ANKRD11: variants seen among roughly 807,000 people sequenced by gnomAD.
The protein encoded by ANKRD11 is ankyrin repeat domain-containing protein 11.
A neutral mutation model predicts 195.7 loss-of-function variants in ANKRD11; 17 were observed. The ratio of observed to expected loss-of-function variants is 0.09; its 90% CI spans 0.06 to 0.13. ANKRD11 has a LOEUF of 0.13. Among genes scored for constraint, ANKRD11 ranks in the 10% least tolerant of loss-of-function variants. The probability of loss-of-function intolerance (pLI) is 1.00; values close to 1 mark genes in which losing one functional copy is unlikely to be tolerated. For missense variants in ANKRD11, 3,735 were observed against 3,566.1 expected, an observed-to-expected ratio of 1.05 and a Z score of -1.21; for synonymous variants, 1,953 against 1,528.1, an observed-to-expected ratio of 1.28 and a Z score of -6.49.
rs1368150919 is a variant in ANKRD11, at chr16:89,284,809, T to A, written c.1733A>T (p.Asp578Val). The change falls in exon 9 of 13, where the codon GAC becomes GTC. Residue 578 changes from aspartate (D) to valine (V), a missense_variant. Transcript: ENST00000301030. ...STRTRLTSESDYSSEGSSVES... is the reference protein window; with the variant it reads ...STRTRLTSESVYSSEGSSVES... ...CACACTGGAGCCCTCAGAGGAGTAG[T>A]CAGACTCGCTTGTCAGTCTCGTCCT... 6.2e-7 allele frequency: 1 copy of A among 1,613,780 alleles called. No homozygotes were observed. The highest frequency in any genetic ancestry group is 8.5e-7 in the Non-Finnish European group (1 of 1,180,036).
chr16:89,426,582 A>G (rs1393702592), intron 1 of ANKRD11, among the ~76,000 whole-genome samples: 1 of 149,914 alleles, frequency 6.7e-6, no homozygotes, highest in Non-Finnish European at 1.5e-5. Flanking sequence ...TGAAATCCTG[A>G]CCAATGAAGA....
chr16:89,460,968 G>GCC (rs2056634263), intron 1 of ANKRD11, among the ~76,000 whole-genome samples: 1 of 109,544 alleles, frequency 9.1e-6, no homozygotes, highest in Non-Finnish European at 1.8e-5. Context: ...AATATCGTAT[G>GCC]ACCCCCCCCC....
At chr16:89,328,310 G>A (rs533157817) in intron 2 of ANKRD11, among the ~76,000 whole-genome samples, 7 of 152,304 alleles carry the variant, frequency 4.6e-5, no homozygotes, top group African/African-American at 1.4e-4. Context: ...CTAAGTGTGC[G>A]CTTGCTGCCC....
At position 89,280,391 on chromosome 16, in the gene ANKRD11, A is replaced by T; in HGVS notation, c.6151T>A (p.Ser2051Thr). ...GGAGGGGCGTAGGGAGCCGCCTCTG[A>T]GGTGGAGATGGCGGCGGGGACGGCG... Reference protein sequence around the residue: ...VDAVPAAISTSEAAPYAPPSG... With the variant: ...VDAVPAAISTTEAAPYAPPSG... Residue 2051 changes from serine (S) to threonine (T), a missense_variant, in exon 9 of 13, where the codon TCA becomes ACA. Ser to Thr is a moderately conservative substitution (Grantham distance 58). Transcript: ENST00000301030. The T allele has an allele frequency of 6.4e-7, 1 of 1,562,306 alleles. No individual in the cohort carries two copies. Among genetic ancestry groups the T allele is most frequent in the East Asian group, 2.3e-5 (1 of 44,274 alleles).
At chr16:89,274,998 C>T (rs747782392) in intron 10 of ANKRD11, 41 bp from the exon 11 acceptor site, 48 of 1,612,768 alleles carry the variant, frequency 3.0e-5, no homozygotes, top group Non-Finnish European at 3.8e-5. Context: ...GACACAGCCA[C>T]GCTCCAGGCC....
At chr16:89,431,416 CTG>C (rs2042972947) in intron 1 of ANKRD11, 1 of 153,036 alleles carries the variant, frequency 6.5e-6, no homozygotes, top group East Asian at 1.9e-4. Flanking sequence ...CACACCCACT[CTG>C]TGCTCTCCAC....
At chr16:89,433,244 G>A (rs1408397532) in intron 1 of ANKRD11, among the ~76,000 whole-genome samples, 2 of 152,188 alleles carry the variant, frequency 1.3e-5, no homozygotes, top group Admixed American at 6.5e-5. Context: ...GCCCAGTTGA[G>A]TGGCCATGAC....
intron 3 of ANKRD11, chr16:89,313,575 T>A: frequency 7.8e-7 from 1 of 1,289,196 alleles, no homozygotes; most frequent in Non-Finnish European, 1.0e-6. Flanking sequence ...GAGATCACGA[T>A]TCTTTTGGAA....
chr16:89,344,522 T>C (rs2038846373), intron 2 of ANKRD11, among the ~76,000 whole-genome samples: 2 of 152,220 alleles, frequency 1.3e-5, no homozygotes, highest in South Asian at 4.1e-4. Context: ...TAATCCCATC[T>C]GCCAAAATGA....
chr16:89,424,515 G>T (rs543312025), intron 1 of ANKRD11, among the ~76,000 whole-genome samples: 71 of 152,158 alleles, frequency 4.7e-4, no homozygotes, highest in African/African-American at 1.6e-3. Flanking sequence ...CAGTCTTTGG[G>T]TGTGGACGGG....
intron 1 of ANKRD11, among the ~76,000 whole-genome samples, chr16:89,426,427 C>G (rs2042717539): frequency 6.6e-6 from 1 of 151,870 alleles, no homozygotes; most frequent in Non-Finnish European, 1.5e-5. Flanking sequence ...CCAGCGCCGG[C>G]CGAGTTCACA....
chr16:89,390,685 G>A (rs1016798293), intron 2 of ANKRD11, among the ~76,000 whole-genome samples: 2 of 152,062 alleles, frequency 1.3e-5, no homozygotes, highest in African/African-American at 4.8e-5. Context: ...AGGTTCTCGG[G>A]GAAACAGTGA....
intron 2 of ANKRD11, chr16:89,324,626 G>GA (rs1567648293): frequency 4.9e-6 from 2 of 412,298 alleles, no homozygotes; most frequent in Non-Finnish European, 9.8e-6. Context: ...GGAAGCACTG[G>GA]ACTGGCTGAG....
At chr16:89,388,444 T>A (rs995553528) in intron 2 of ANKRD11, among the ~76,000 whole-genome samples, 3 of 152,000 alleles carry the variant, frequency 2.0e-5, no homozygotes, top group African/African-American at 7.3e-5. Flanking sequence ...TGAGGTTGAT[T>A]TTTAATGTCT....
At chr16:89,442,705 C>T (rs933008583) in intron 1 of ANKRD11, among the ~76,000 whole-genome samples, 5 of 152,234 alleles carry the variant, frequency 3.3e-5, no homozygotes, top group South Asian at 4.1e-4. Flanking sequence ...CCCCACCACC[C>T]ACCAGGAATG....
Position 89,413,861 on chromosome 16 carries a change from T to C in ANKRD11, c.-60+4423A>G, listed in dbSNP as rs115075545. On this transcript the variant is annotated intron_variant, in intron 2 of 12. Transcript: ENST00000301030. ...TGCCCAGAAAGAGCCTCTCTCTGCTTTCAAGGCCAGACTGGGGGGAGGCAG... is the reference window on the plus strand; with the variant it reads ...TGCCCAGAAAGAGCCTCTCTCTGCTCTCAAGGCCAGACTGGGGGGAGGCAG... Among the ~76,000 whole-genome samples, 1,004 of 152,152 alleles carry C rather than the reference T, an allele frequency of 6.6e-3. 17 individuals are homozygous for C. Among genetic ancestry groups the C allele is most frequent in the African/African-American group, 0.023 (959 of 41,500 alleles).
intron 2 of ANKRD11, among the ~76,000 whole-genome samples, chr16:89,399,581 G>A (rs182334552): frequency 5.3e-4 from 81 of 152,216 alleles, no homozygotes; most frequent in Admixed American, 1.6e-3. Flanking sequence ...ATACCACAAC[G>A]GTGGGTCCAC....
chr16:89,453,522 A>G (rs1181162930), intron 1 of ANKRD11, among the ~76,000 whole-genome samples: 3 of 152,226 alleles, frequency 2.0e-5, no homozygotes, highest in Non-Finnish European at 4.4e-5. Context: ...CCTGCCTGCT[A>G]AGGTGTCCCC....
intron 1 of ANKRD11, among the ~76,000 whole-genome samples, chr16:89,469,502 C>T (rs1049575751): frequency 1.3e-5 from 2 of 151,950 alleles, no homozygotes; most frequent in African/African-American, 2.4e-5. Flanking sequence ...GAATTACAGG[C>T]GTGAGCCACC....
Sources: allele counts gnomAD v4.1 joint callset (sites outside exome capture counted in the v4.1 genomes callset), GRCh38; gene constraint gnomAD v4.1.1; transcripts MANE v1.5; gene names NCBI Gene and HGNC (gene_info 2026-07-23, HGNC 2026-07-21).